GRID2: variants seen among roughly 807,000 people sequenced by gnomAD.
The protein encoded by GRID2 is glutamate receptor ionotropic, delta-2.
A neutral mutation model predicts 114.8 loss-of-function variants in GRID2; 33 were observed. The observed-to-expected ratio is 0.29, with a 90% CI of 0.22 to 0.38. GRID2 has a LOEUF of 0.38. GRID2 is among the 10% of genes least tolerant of loss of function. The pLI is 1.00. For synonymous variants in GRID2, 505 were observed against 449.9 expected (o/e 1.12, Z -1.55); for missense variants, 1,184 against 1,257.7 (o/e 0.94, Z 0.89).
chr4:93,086,512 A>G (rs1423257817), intron 3 of GRID2, among the ~76,000 whole-genome samples: 1 of 152,108 alleles, frequency 6.6e-6, no homozygotes, highest in Non-Finnish European at 1.5e-5. Flanking sequence ...ATTTAGCCCT[A>G]AATATTCAAT....
intron 12 of GRID2, among the ~76,000 whole-genome samples, chr4:93,498,381 C>G (rs1469971179): frequency 6.6e-6 from 1 of 151,806 alleles, no homozygotes; most frequent in Non-Finnish European, 1.5e-5. Context: ...CCTTTATGGC[C>G]TGATTGTCTC....
At chr4:92,356,764 C>A (rs2110193562) in intron 1 of GRID2, among the ~76,000 whole-genome samples, 1 of 151,774 alleles carries the variant, frequency 6.6e-6, no homozygotes, top group East Asian at 1.9e-4. Context: ...TCTATAGTAA[C>A]TAATGCACTG....
intron 8 of GRID2, among the ~76,000 whole-genome samples, chr4:93,375,484 T>A (rs996062579): frequency 2.0e-5 from 3 of 152,120 alleles, no homozygotes; most frequent in African/African-American, 7.2e-5. Context: ...GTGCTGGGAT[T>A]ACAGGTGTGA....
intron 4 of GRID2, among the ~76,000 whole-genome samples, chr4:93,200,933 G>A (rs901692475): frequency 6.6e-6 from 1 of 152,130 alleles, no homozygotes. Flanking sequence ...GAAATGTGAG[G>A]AGCTGATATT....
At chr4:92,677,150 C>T (rs62310182) in intron 2 of GRID2, among the ~76,000 whole-genome samples, 6,159 of 152,076 alleles carry the variant, frequency 0.04, 153 homozygotes, top group East Asian at 0.1. Flanking sequence ...TTAATGTGTA[C>T]AGTTTCAGTA....
intron 8 of GRID2, among the ~76,000 whole-genome samples, chr4:93,360,287 T>C (rs1159838933): frequency 6.6e-6 from 1 of 152,066 alleles, no homozygotes; most frequent in Non-Finnish European, 1.5e-5. Flanking sequence ...CTTTTGCTTT[T>C]ATGTATTCCA....
intron 2 of GRID2, among the ~76,000 whole-genome samples, chr4:93,013,259 T>A (rs575421216): frequency 2.6e-5 from 4 of 152,104 alleles, no homozygotes; most frequent in Admixed American, 2.0e-4. Flanking sequence ...ATGGTATGGA[T>A]GATTATTTAA....
chr4:92,711,125 T>A (rs192845711), intron 2 of GRID2, among the ~76,000 whole-genome samples: 102 of 152,292 alleles, frequency 6.7e-4, no homozygotes, highest in Non-Finnish European at 9.6e-4. Flanking sequence ...ACTATTTTTT[T>A]AAAAAATGCT....
At chr4:93,076,120 C>T (rs1729270082) in intron 2 of GRID2, among the ~76,000 whole-genome samples, 1 of 151,988 alleles carries the variant, frequency 6.6e-6, no homozygotes, top group South Asian at 2.1e-4. Context: ...CCAGGATGGT[C>T]TCGATCTGAC....
intron 1 of GRID2, among the ~76,000 whole-genome samples, chr4:92,524,690 A>G (rs1029861815): frequency 2.0e-5 from 3 of 151,896 alleles, no homozygotes; most frequent in Non-Finnish European, 4.4e-5. Context: ...GTAACCTAAC[A>G]TATTCACAGT....
intron 14 of GRID2, among the ~76,000 whole-genome samples, chr4:93,723,045 T>C (rs538742951): frequency 6.6e-6 from 1 of 152,352 alleles, no homozygotes; most frequent in South Asian, 2.1e-4. Context: ...TATGATTTTC[T>C]CTTTGTCTGA....
intron 2 of GRID2, among the ~76,000 whole-genome samples, chr4:92,871,551 G>T (rs1489881951): frequency 5.3e-5 from 8 of 152,098 alleles, no homozygotes; most frequent in Non-Finnish European, 1.5e-5. Flanking sequence ...TGTACATTCA[G>T]GGTTCTCTTT....
chr4:93,761,437 A>T (rs149340543), intron 14 of GRID2, among the ~76,000 whole-genome samples: 2 of 152,310 alleles, frequency 1.3e-5, no homozygotes, highest in East Asian at 3.9e-4. Context: ...TTTTACAAAT[A>T]AAGCCCACTT....
At chr4:93,236,234 AGTGAGC>A (rs1746779843) in intron 7 of GRID2, among the ~76,000 whole-genome samples, 1 of 152,084 alleles carries the variant, frequency 6.6e-6, no homozygotes, top group Admixed American at 6.6e-5. Context: ...AGATATTAAC[AGTGAGC>A]ACATACCGGA....
At chr4:93,524,205 G>C (rs1179523771) in intron 13 of GRID2, among the ~76,000 whole-genome samples, 1 of 152,044 alleles carries the variant, frequency 6.6e-6, no homozygotes, top group Non-Finnish European at 1.5e-5. Context: ...AACAGCTTTG[G>C]TTCTACGAAA....
chr4:93,095,227 C>T (rs1272986388), intron 3 of GRID2, among the ~76,000 whole-genome samples: 1 of 151,774 alleles, frequency 6.6e-6, no homozygotes, highest in Non-Finnish European at 1.5e-5. Context: ...TTGCGCCCAT[C>T]GACCCATCAT....
intron 2 of GRID2, among the ~76,000 whole-genome samples, chr4:92,937,306 A>T (rs1050350395): frequency 6.8e-6 from 1 of 146,682 alleles, no homozygotes; most frequent in African/African-American, 2.4e-5. Flanking sequence ...TTCTTCTAAG[A>T]ATTTTATAGT....
chr4:93,668,726 T>G (rs1045476446), intron 14 of GRID2, among the ~76,000 whole-genome samples: 1 of 152,038 alleles, frequency 6.6e-6, no homozygotes, highest in South Asian at 2.1e-4. Context: ...GGACAGGACT[T>G]AAAAGGGCTC....
chr4:92,590,496 A>T (rs1184199552), intron 2 of GRID2, among the ~76,000 whole-genome samples: 1 of 151,782 alleles, frequency 6.6e-6, no homozygotes, highest in Non-Finnish European at 1.5e-5. Flanking sequence ...ATTAATTGAA[A>T]TATAATATGA....
Sources: gnomAD v4.1 joint callset for allele counts (sites outside exome capture counted in the v4.1 genomes callset) on GRCh38, gnomAD v4.1.1 for gene constraint, MANE v1.5 for transcripts, NCBI Gene and HGNC (gene_info 2026-07-23, HGNC 2026-07-21) for gene names.